CNTNAP4: variants seen among roughly 807,000 people sequenced by gnomAD.
CNTNAP4 encodes contactin-associated protein-like 4.
In CNTNAP4, 98 loss-of-function variants were observed where a neutral mutation model predicts 148.4. The observed-to-expected ratio is 0.66, with a 90% CI of 0.56 to 0.78. The LOEUF is 0.78. CNTNAP4 is among the 30% of genes least tolerant of loss of function. The probability of loss-of-function intolerance (pLI) is 0.00; values close to 1 mark genes in which losing one functional copy is unlikely to be tolerated. For synonymous variants in CNTNAP4, 730 were observed against 565.1 expected (o/e 1.29, Z -4.14); for missense variants, 1,935 against 1,565.6 (o/e 1.24, Z -3.98).
At chr16:76,358,894 G>A (rs1183875219) in intron 3 of CNTNAP4, among the ~76,000 whole-genome samples, 1 of 151,648 alleles carries the variant, frequency 6.6e-6, no homozygotes, top group Non-Finnish European at 1.5e-5. Flanking sequence ...GTATATATAT[G>A]TATGTATGTG....
intron 3 of CNTNAP4, among the ~76,000 whole-genome samples, chr16:76,397,461 G>C (rs190301290): frequency 8.6e-5 from 13 of 151,920 alleles, no homozygotes; most frequent in Non-Finnish European, 1.5e-5. Context: ...AGGGCTGAAG[G>C]CATGCGACAG....
chr16:76,448,931 CT>C lies in CNTNAP4; in HGVS notation c.908del (p.Leu303ProfsTer2). 1 of 1,613,424 alleles carries C rather than the reference CT, an allele frequency of 6.2e-7. No homozygotes were observed. The highest frequency in any genetic ancestry group is 2.2e-5 in the East Asian group (1 of 44,846). On this transcript the variant is annotated frameshift_variant, in exon 6 of 24. Coordinates refer to ENST00000611870, the MANE Select transcript of CNTNAP4 (RefSeq NM_033401.5). LOFTEE classifies it high-confidence loss of function. ...HHFHARGEFN[L>X]MNLDYEISFG... ...TTTCCATGCACGGGGAGAATTCAAT[CT>C]CATGAATCTTGATTATGAGGTGTGA...
intron 21 of CNTNAP4, among the ~76,000 whole-genome samples, chr16:76,548,267 C>T (rs76455391): frequency 0.01 from 1,522 of 149,848 alleles, 10 homozygotes; most frequent in Non-Finnish European, 0.017. Flanking sequence ...CATTCAGTTC[C>T]AACCCTGGCT....
At chr16:76,450,044 C>T (rs942982972) in intron 7 of CNTNAP4, among the ~76,000 whole-genome samples, 186 bp downstream of exon 7, 2 of 151,922 alleles carry the variant, frequency 1.3e-5, no homozygotes, top group African/African-American at 4.8e-5. Context: ...ATTTTGGGGG[C>T]ATAATTATTT....
Position 76,452,554 on chromosome 16 carries a change from C to G in CNTNAP4, c.1118C>G (p.Thr373Ser), listed in dbSNP as rs2080541935. 4 of 1,614,012 alleles carry G rather than the reference C, an allele frequency of 2.5e-6. No individual in the cohort carries two copies. The highest frequency in any genetic ancestry group is 2.5e-6 in the Non-Finnish European group (3 of 1,179,896). Residue 373 changes from threonine to serine, a missense_variant, in exon 8 of 24, where the codon ACT becomes AGT. Thr to Ser is a moderately conservative substitution (Grantham distance 58). Transcript: ENST00000611870. ...SCSQPQSMPVTFLSSRSYLAL... is the reference protein window; with the variant it reads ...SCSQPQSMPVSFLSSRSYLAL... ...TCACAACCACAATCTATGCCCGTGACTTTTCTGAGCTCCAGGAGTTATTTA... is the reference window on the plus strand; with the variant it reads ...TCACAACCACAATCTATGCCCGTGAGTTTTCTGAGCTCCAGGAGTTATTTA...
At chr16:76,503,310 A>G (rs1013542743) in intron 15 of CNTNAP4, among the ~76,000 whole-genome samples, 4 of 152,160 alleles carry the variant, frequency 2.6e-5, no homozygotes, top group African/African-American at 9.7e-5. Context: ...AGTTGCAGCA[A>G]AAGTTAATCA....
intron 3 of CNTNAP4, among the ~76,000 whole-genome samples, chr16:76,381,997 C>A (rs181708181): frequency 3.8e-5 from 5 of 130,474 alleles, no homozygotes; most frequent in African/African-American, 1.4e-4. Flanking sequence ...GGAGGCGGAG[C>A]TTGCAGTGAG....
intron 1 of CNTNAP4, among the ~76,000 whole-genome samples, chr16:76,280,914 T>A (rs1377751767): frequency 6.6e-6 from 1 of 152,048 alleles, no homozygotes; most frequent in Non-Finnish European, 1.5e-5. Flanking sequence ...CTGATAAGAG[T>A]TTGCTTTTAT....
At chr16:76,382,389 AAAAATCTTAAGCTACTTTC>A (rs1332393827) in intron 3 of CNTNAP4, among the ~76,000 whole-genome samples, 2 of 152,172 alleles carry the variant, frequency 1.3e-5, no homozygotes, top group African/African-American at 4.8e-5. Context: ...CCATTGCCAA[AAAAATCTTAAGCTACTTTC>A]AATGATCACA....
intron 2 of CNTNAP4, among the ~76,000 whole-genome samples, chr16:76,317,265 C>CAA (rs1302355658): frequency 4.5e-5 from 2 of 44,352 alleles, no homozygotes; most frequent in Non-Finnish European, 5.0e-5. Flanking sequence ...AAAAAAAAAA[C>CAA]AAAAAAAAAA....
intron 11 of CNTNAP4, among the ~76,000 whole-genome samples, chr16:76,478,102 A>T (rs977514909): frequency 6.6e-6 from 1 of 151,738 alleles, no homozygotes; most frequent in Non-Finnish European, 1.5e-5. Context: ...ATCATTAAAC[A>T]GTCATGTTTT....
intron 1 of CNTNAP4, among the ~76,000 whole-genome samples, chr16:76,309,204 T>C (rs930199686): frequency 6.6e-6 from 1 of 151,966 alleles, no homozygotes; most frequent in Admixed American, 6.6e-5. Context: ...TGGTGTTGAG[T>C]GTAGACTGTA....
chr16:76,355,309 T>G lies in CNTNAP4; in HGVS notation c.197-9T>G, dbSNP rs759460015. On this transcript the variant is annotated splice_polypyrimidine_tract_variant and intron_variant, in intron 2 of 23. Transcript: ENST00000611870. ...CTCAATTTTCTCCTGTTTCTATTTTTAATAAAAGGAGCTGGTGGCTGGTCT... is the reference window on the plus strand; with the variant it reads ...CTCAATTTTCTCCTGTTTCTATTTTGAATAAAAGGAGCTGGTGGCTGGTCT... The G allele has an allele frequency of 6.7e-7, 1 of 1,502,694 alleles. No homozygotes were observed. The highest frequency in any genetic ancestry group is 2.4e-5 in the East Asian group (1 of 40,898). 93.1% of individuals were successfully genotyped at this position (1,502,694 alleles called of 1,614,324 possible).
intron 1 of CNTNAP4, among the ~76,000 whole-genome samples, chr16:76,287,904 C>G (rs1958953104): frequency 6.6e-6 from 1 of 152,152 alleles, no homozygotes; most frequent in African/African-American, 2.4e-5. Context: ...CATTGTTAGG[C>G]ACATCCAACA....
At chr16:76,414,990 T>A (rs8056704) in intron 3 of CNTNAP4, among the ~76,000 whole-genome samples, 52,679 of 150,792 alleles carry the variant, frequency 0.35, 10,865 homozygotes, top group Non-Finnish European at 0.44. Flanking sequence ...TAATTTTTCA[T>A]ATGTATTTTA....
chr16:76,496,107 G>GTGTGTGTGTGTATGTGTA (rs1555576715), intron 14 of CNTNAP4, among the ~76,000 whole-genome samples: 2 of 151,084 alleles, frequency 1.3e-5, no homozygotes, highest in African/African-American at 2.4e-5. Flanking sequence ...GTGTGTGTGT[G>GTGTGTGTGTGTATGTGTA]CGTGTATTTC....
intron 1 of CNTNAP4, among the ~76,000 whole-genome samples, chr16:76,315,558 C>A (rs571246589): frequency 6.6e-6 from 1 of 152,250 alleles, no homozygotes; most frequent in East Asian, 1.9e-4. Flanking sequence ...TCTCTTTTTG[C>A]TGATATATTT....
chr16:76,425,505 AAGATAAACAGGC>A (rs2079355933), intron 3 of CNTNAP4, among the ~76,000 whole-genome samples: 1 of 152,174 alleles, frequency 6.6e-6, no homozygotes, highest in Admixed American at 6.5e-5. Context: ...CTAGGAGGAT[AAGATAAACAGGC>A]AGATAATGAT....
chr16:76,388,326 A>G (rs921069591), intron 3 of CNTNAP4, among the ~76,000 whole-genome samples: 3 of 152,250 alleles, frequency 2.0e-5, no homozygotes, highest in African/African-American at 7.2e-5. Flanking sequence ...TACCATAATC[A>G]AAATGAAAAA....
Sources: allele counts gnomAD v4.1 joint callset (sites outside exome capture counted in the v4.1 genomes callset), GRCh38; gene constraint gnomAD v4.1.1; transcripts MANE v1.5; gene names NCBI Gene and HGNC (gene_info 2026-07-23, HGNC 2026-07-21).